The following ANKRD18B variants were observed in gnomAD, a reference collection of about 807,000 sequenced individuals.
ANKRD18B encodes ankyrin repeat domain-containing protein 18B.
In ANKRD18B, 75 loss-of-function variants were observed where a neutral mutation model predicts 111.8. That is an observed-to-expected ratio of 0.67 (90% CI 0.56 to 0.81). The LOEUF (loss-of-function observed/expected upper bound fraction) is 0.81, where lower values mean the gene tolerates loss of function less well. Among genes scored for constraint, ANKRD18B ranks in the 40% least tolerant of loss-of-function variants. The pLI, the probability that ANKRD18B is intolerant of heterozygous loss-of-function variation, is 0.00. For missense variants in ANKRD18B, 1,038 were observed against 1,225.5 expected (o/e 0.85, Z 2.28); for synonymous variants, 356 against 417.3 (o/e 0.85, Z 1.79).
At chr9:33,554,181 A>AAAAGAAAGAAAGAAAGAAAGAAAG (rs200436620) in intron 12 of ANKRD18B, among the ~76,000 whole-genome samples, 3 of 151,092 alleles carry the variant, frequency 2.0e-5, no homozygotes, top group South Asian at 4.2e-4. Context: ...GAAAGAAGGA[A>AAAAGAAAGAAAGAAAGAAAGAAAG]AAAGAAAGAA....
At chr9:33,557,986 G>C in intron 13 of ANKRD18B, 72 bp from the exon 14 acceptor site, 1 of 1,307,498 alleles carries the variant, frequency 7.6e-7, no homozygotes, top group South Asian at 1.5e-5. Flanking sequence ...CCATAACATA[G>C]TATCTGTTTA....
At chr9:33,568,576 T>C in intron 16 of ANKRD18B, 95 bp from the exon 17 acceptor site, 2 of 1,181,830 alleles carry the variant, frequency 1.7e-6, no homozygotes, top group Admixed American at 6.2e-5. Flanking sequence ...GGTAATTTGG[T>C]TTACTCTCAG....
rs914234991 is a variant in ANKRD18B at position 33,548,288 on chromosome 9, T to A, written c.1500T>A (p.Ala500=). The change falls in exon 11 of 19, where the codon GCT becomes GCA. Residue 500 remains alanine, a synonymous_variant. Coordinates refer to ENST00000684830, the MANE Select transcript of ANKRD18B (RefSeq NM_001393611.1). The part of the protein sequence containing the change: ...VESLHSNLAT[A]INEYNEILER... Reference sequence around the variant, plus strand: ...CCCTCCATTCTAACTTGGCCACTGCTATAAATGAGTACAATGAAATTTTGG... The same window carrying A: ...CCCTCCATTCTAACTTGGCCACTGCAATAAATGAGTACAATGAAATTTTGG... 1.9e-6 allele frequency: 3 copies of A among 1,550,768 alleles called. No individual in the cohort carries two copies. In the African/African-American group the frequency reaches 4.1e-5, roughly 21 times the overall value.
At chr9:33,537,409 GTTAT>G (rs1226729295) in intron 6 of ANKRD18B, among the ~76,000 whole-genome samples, 1 of 152,056 alleles carries the variant, frequency 6.6e-6, no homozygotes, top group African/African-American at 2.4e-5. Flanking sequence ...AGAATTCAGA[GTTAT>G]TTAAGAAGTT....
intron 12 of ANKRD18B, among the ~76,000 whole-genome samples, chr9:33,553,701 A>G (rs561910227): frequency 1.3e-5 from 2 of 152,340 alleles, no homozygotes; most frequent in Admixed American, 1.3e-4. Flanking sequence ...ATCATGCCAT[A>G]TCTCTATGGA....
chr9:33,549,454 C>T (rs1361194541), intron 11 of ANKRD18B, among the ~76,000 whole-genome samples: 1 of 152,032 alleles, frequency 6.6e-6, no homozygotes, highest in Non-Finnish European at 1.5e-5. Context: ...TTTATGTTGC[C>T]GCATTTTAAG....
chr9:33,525,641 A>G (rs1372535128), intron 1 of ANKRD18B, among the ~76,000 whole-genome samples: 1 of 151,978 alleles, frequency 6.6e-6, no homozygotes, highest in East Asian at 1.9e-4. Flanking sequence ...TGACCTCACA[A>G]GCAGGCATTC....
Position 33,524,697 on chromosome 9 carries a change from T to C in ANKRD18B, c.206+2T>C. 6.5e-7 allele frequency: 1 copy of C among 1,548,654 alleles called. No homozygotes were observed. The highest frequency in any genetic ancestry group is 2.0e-5 in the Admixed American group (1 of 50,898). On this transcript the variant is annotated splice_donor_variant, in intron 1 of 18. Coordinates refer to ENST00000684830, the MANE Select transcript of ANKRD18B (RefSeq NM_001393611.1). LOFTEE classifies it high-confidence loss of function. The stretch of plus-strand genomic sequence containing the variant: ...GGACGTCCGCGACAGAAAAGACAGG[T>C]AGCGGGGGCTCAGCCCTCGGTGGGA...
chr9:33,567,440 T>C (rs908940011), intron 16 of ANKRD18B, 126 bp downstream of exon 16: 1 of 766,406 alleles, frequency 1.3e-6, no homozygotes, highest in Non-Finnish European at 2.1e-6. Context: ...AATGTAATTT[T>C]GGAAAATAAT....
chr9:33,534,466 C>T lies in ANKRD18B; in HGVS notation c.699C>T (p.Gly233=). 1 of 1,550,298 alleles carries T rather than the reference C, an allele frequency of 6.5e-7. No homozygotes were observed. The highest frequency in any genetic ancestry group is 8.7e-7 in the Non-Finnish European group (1 of 1,146,564). ...NIHISSQDMF[G]QTAEDYAFCC... is the part of the protein sequence containing the mutation. ...ATATCTCTTCTCAAGACATGTTTGG[C>T]CAAACTGCCGAGGATTATGCTTTTT... Residue 233 remains glycine, a synonymous_variant, in exon 5 of 19, where the codon GGC becomes GGT. Coordinates refer to ENST00000684830, the MANE Select transcript of ANKRD18B (RefSeq NM_001393611.1).
At chr9:33,550,028 C>T (rs143195763) in intron 11 of ANKRD18B, among the ~76,000 whole-genome samples, 197 of 152,140 alleles carry the variant, frequency 1.3e-3, no homozygotes, top group African/African-American at 4.6e-3. Flanking sequence ...TTGTACGGGA[C>T]AGAGTTGTAG....
rs1828145070 is a variant in ANKRD18B at position 33,533,444 on chromosome 9, A to G, written c.501A>G (p.Gly167=). 6.6e-7 allele frequency: 1 copy of G among 1,520,542 alleles called. No individual in the cohort carries two copies. The highest frequency in any genetic ancestry group is 8.8e-7 in the Non-Finnish European group (1 of 1,137,242). 94.2% of individuals were successfully genotyped at this position (1,520,542 alleles called of 1,614,324 possible). A position where few individuals can be genotyped will look rare whatever the true frequency, so the allele number is the denominator to read the frequency against. ...HANIEALNKE[G]NTPLLFAINS... ...TTGTTTTTGCTTTCTTACAGGAGGGAAACACTCCACTTTTGTTTGCTATAA... is the reference window on the plus strand; with the variant it reads ...TTGTTTTTGCTTTCTTACAGGAGGGGAACACTCCACTTTTGTTTGCTATAA... Residue 167 remains glycine (G), a synonymous_variant, in exon 4 of 19, where the codon GGA becomes GGG. Coordinates refer to ENST00000684830, the MANE Select transcript of ANKRD18B (RefSeq NM_001393611.1).
intron 3 of ANKRD18B, among the ~76,000 whole-genome samples, chr9:33,530,820 C>T (rs1232480119): frequency 2.0e-5 from 3 of 152,206 alleles, no homozygotes; most frequent in Non-Finnish European, 4.4e-5. Context: ...CATTCACTGC[C>T]ATTCAGAAAG....
intron 5 of ANKRD18B, among the ~76,000 whole-genome samples, chr9:33,535,694 G>A (rs1015342679): frequency 1.4e-5 from 2 of 144,354 alleles, no homozygotes; most frequent in Non-Finnish European, 3.0e-5. Context: ...TATATTATAT[G>A]TAATTATATT....
chr9:33,539,590 G>A (rs2118020077), intron 7 of ANKRD18B, 88 bp downstream of exon 7: 1 of 153,038 alleles, frequency 6.5e-6, no homozygotes, highest in African/African-American at 2.4e-5. Flanking sequence ...TTGGTAATGA[G>A]GTGAAAATAG....
intron 12 of ANKRD18B, among the ~76,000 whole-genome samples, 198 bp downstream of exon 12, chr9:33,550,777 A>T (rs1458227998): frequency 6.6e-6 from 1 of 152,148 alleles, no homozygotes; most frequent in African/African-American, 2.4e-5. Flanking sequence ...TAATAATTGC[A>T]TATGTTTTCT....
intron 1 of ANKRD18B, 90 bp downstream of exon 1, chr9:33,524,785 C>A: frequency 1.4e-6 from 2 of 1,441,132 alleles, no homozygotes; most frequent in African/African-American, 1.4e-5. Flanking sequence ...TTCGCCGGGA[C>A]CCTGGGAGCC....
intron 10 of ANKRD18B, among the ~76,000 whole-genome samples, chr9:33,545,923 T>C (rs1828348802): frequency 1.3e-5 from 2 of 152,224 alleles, no homozygotes; most frequent in Admixed American, 6.5e-5. Flanking sequence ...AGATTAGTGC[T>C]GCTGTCTAAA....
chr9:33,570,324 G>T (rs1828751173), intron 17 of ANKRD18B, among the ~76,000 whole-genome samples: 1 of 152,136 alleles, frequency 6.6e-6, no homozygotes, highest in Non-Finnish European at 1.5e-5. Flanking sequence ...GGCCAGGGTT[G>T]AAAAACTGCT....
Sources: gnomAD v4.1 joint callset for allele counts (sites outside exome capture counted in the v4.1 genomes callset) on GRCh38, gnomAD v4.1.1 for gene constraint, MANE v1.5 for transcripts, NCBI Gene and HGNC (gene_info 2026-07-23, HGNC 2026-07-21) for gene names.